Variants in GSG1L observed in about 807,000 individuals in gnomAD.
GSG1L encodes the protein germ cell-specific gene 1-like protein.
GSG1L carries 24 observed loss-of-function variants against 42.1 expected under a neutral mutation model. The observed-to-expected ratio is 0.57, with a 90% CI of 0.41 to 0.80. GSG1L has a LOEUF of 0.80. GSG1L is among the 30% of genes least tolerant of loss of function. The pLI is 0.00. For missense variants in GSG1L, 445 were observed against 472.2 expected, an observed-to-expected ratio of 0.94 and a Z score of 0.53; for synonymous variants, 215 against 203.5, an observed-to-expected ratio of 1.06 and a Z score of -0.48.
At position 28,063,062 on chromosome 16, in the gene GSG1L, C is replaced by A. The variant is rs1409111604; in HGVS notation, c.349+14G>T. Reference sequence around the variant, plus strand: ...GAGCCGGAGCCGAGCTGGCCGCCGCCCGCGCGCACTCACCAAGCCCGCTGA... The same window carrying A: ...GAGCCGGAGCCGAGCTGGCCGCCGCACGCGCGCACTCACCAAGCCCGCTGA... On this transcript the variant is annotated intron_variant, in intron 1 of 6. Coordinates refer to ENST00000447459, the MANE Select transcript of GSG1L (RefSeq NM_001109763.2). This position sits in a 1 kb window ranked among gnomAD's most constrained non-coding sequence, Gnocchi z 5.8. The A allele has an allele frequency of 2.5e-5, 35 of 1,400,982 alleles. No individual in the cohort carries two copies. The highest frequency in any genetic ancestry group is 3.2e-5 in the Non-Finnish European group (34 of 1,071,144). The allele number at this position is 1,400,982 out of a possible 1,614,324, so 86.8% of individuals were successfully genotyped here. A position where few individuals can be genotyped will look rare whatever the true frequency, so the allele number is the denominator to read the frequency against.
chr16:28,011,727 G>A (rs1318600894), intron 1 of GSG1L, among the ~76,000 whole-genome samples: 2 of 152,190 alleles, frequency 1.3e-5, no homozygotes, highest in Non-Finnish European at 2.9e-5. Context: ...GGATGGTAGA[G>A]CAACTGTCTA....
At chr16:27,918,505 A>T (rs2084484880) in intron 2 of GSG1L, among the ~76,000 whole-genome samples, 2 of 151,982 alleles carry the variant, frequency 1.3e-5, no homozygotes, top group African/African-American at 4.8e-5. Flanking sequence ...TAAAAATACA[A>T]AAAATTAGTC....
chr16:27,873,587 A>T (rs1901141447), intron 3 of GSG1L, among the ~76,000 whole-genome samples: 1 of 152,212 alleles, frequency 6.6e-6, no homozygotes, highest in Admixed American at 6.5e-5. Flanking sequence ...TAAGAGCCAA[A>T]AATGGTGGCA....
At chr16:28,025,140 G>A (rs1407528818) in intron 1 of GSG1L, among the ~76,000 whole-genome samples, 1 of 152,210 alleles carries the variant, frequency 6.6e-6, no homozygotes, top group Non-Finnish European at 1.5e-5. Context: ...CTCAGCAGTA[G>A]CCTGCATGAG....
chr16:27,816,361 T>C (rs1001884445), intron 5 of GSG1L, among the ~76,000 whole-genome samples: 6 of 152,128 alleles, frequency 3.9e-5, no homozygotes, highest in African/African-American at 1.4e-4. Flanking sequence ...GCACTGCCCT[T>C]TGCCCCAGAA....
At position 27,822,957 on chromosome 16, in the gene GSG1L, G is replaced by A. The variant is rs894684373; in HGVS notation, c.830+5832C>T. ...CTCCCAAAAAGCTCCGGGGGCTTCC[G>A]TCCCCCACACAGTGCCACATTCCCA... On this transcript the variant is annotated intron_variant, in intron 5 of 6. Transcript: ENST00000447459. Among the ~76,000 whole-genome samples the A allele has an allele frequency of 6.6e-5, 10 of 152,128 alleles. No homozygotes were observed. In the East Asian group the frequency reaches 9.6e-4, roughly 15 times the overall value.
chr16:27,895,325 G>T (rs1233146613), intron 2 of GSG1L, among the ~76,000 whole-genome samples: 1 of 152,082 alleles, frequency 6.6e-6, no homozygotes, highest in Non-Finnish European at 1.5e-5. Context: ...CCTCAGACAG[G>T]GGACACGGAT....
At chr16:27,846,942 G>A (rs1453801297) in intron 3 of GSG1L, among the ~76,000 whole-genome samples, 2 of 141,412 alleles carry the variant, frequency 1.4e-5, no homozygotes, top group African/African-American at 5.4e-5. Context: ...GGGTGACAGA[G>A]GGAGACTCCG....
chr16:28,037,769 T>G (rs2086057736), intron 1 of GSG1L, among the ~76,000 whole-genome samples: 1 of 152,246 alleles, frequency 6.6e-6, no homozygotes, highest in South Asian at 2.1e-4. Context: ...CACATGTTGC[T>G]GGACTCACCC....
chr16:28,019,369 T>A (rs184085298), intron 1 of GSG1L, among the ~76,000 whole-genome samples: 1 of 152,300 alleles, frequency 6.6e-6, no homozygotes, highest in East Asian at 1.9e-4. Context: ...ACCAGCGCCA[T>A]GACGGTTCAA....
chr16:28,004,420 A>T (rs2085614591), intron 1 of GSG1L, among the ~76,000 whole-genome samples: 1 of 151,280 alleles, frequency 6.6e-6, no homozygotes. Context: ...GGAGAGAAGG[A>T]CGGAAATCCA....
At chr16:28,051,666 C>T (rs569329090) in intron 1 of GSG1L, among the ~76,000 whole-genome samples, 51 of 152,296 alleles carry the variant, frequency 3.3e-4, no homozygotes, top group African/African-American at 1.1e-3. Context: ...GGGAGCTGCA[C>T]GTGCAAAGGC....
intron 1 of GSG1L, among the ~76,000 whole-genome samples, chr16:27,997,020 C>T (rs754219361): frequency 8.5e-5 from 13 of 152,196 alleles, no homozygotes; most frequent in Non-Finnish European, 1.6e-4. Flanking sequence ...CCTCGGCCTC[C>T]CAAAGTGCTG....
chr16:28,050,279 C>G lies in GSG1L; in HGVS notation c.349+12797G>C, dbSNP rs1393887605. 3.9e-5 allele frequency among the ~76,000 whole-genome samples: 6 copies of G among 152,124 alleles called. No individual in the cohort carries two copies. The East Asian group carries it at 1.2e-3, about 29-fold the overall frequency. ...ACTGCAGCCAAGAAACTCCTGGGCT[C>G]AAGGGATCCTCCCATCTCAGCCTCC... On this transcript the variant is annotated intron_variant, in intron 1 of 6. Coordinates refer to ENST00000447459, the MANE Select transcript of GSG1L (RefSeq NM_001109763.2).
rs776816965 is a variant in GSG1L at position 27,974,042 on chromosome 16, G to A, written c.350-10839C>T. Among the ~76,000 whole-genome samples, 59 of 152,218 alleles carry A rather than the reference G, an allele frequency of 3.9e-4. No homozygotes were observed. In the Middle Eastern group the frequency reaches 0.01, roughly 26 times the overall value. ...CTCCCCATCTGATTCCCTTTGAGCT[G>A]CTAAGATAGCAAAGGTGAATGGAGC... On this transcript the variant is annotated intron_variant, in intron 1 of 6. Transcript: ENST00000447459.
At chr16:27,904,083 C>G (rs544710364) in intron 2 of GSG1L, among the ~76,000 whole-genome samples, 1 of 152,024 alleles carries the variant, frequency 6.6e-6, no homozygotes, top group East Asian at 2.0e-4. Flanking sequence ...TCCACCTGCC[C>G]TAAGGTTTTG....
At chr16:27,958,581 C>T (rs914054685) in intron 2 of GSG1L, among the ~76,000 whole-genome samples, 1 of 152,014 alleles carries the variant, frequency 6.6e-6, no homozygotes, top group Non-Finnish European at 1.5e-5. Flanking sequence ...ACATTTTTTT[C>T]AAGAACTGAT....
At chr16:27,961,004 G>C (rs182833362) in intron 2 of GSG1L, among the ~76,000 whole-genome samples, 3 of 151,880 alleles carry the variant, frequency 2.0e-5, no homozygotes, top group Non-Finnish European at 4.4e-5. Flanking sequence ...AGGGGCACAG[G>C]CCACCCACCT....
At chr16:28,056,457 C>CT (rs2086280209) in intron 1 of GSG1L, among the ~76,000 whole-genome samples, 3 of 102,308 alleles carry the variant, frequency 2.9e-5, no homozygotes, top group Non-Finnish European at 5.4e-5. Context: ...AACATCACAC[C>CT]GGGGCCTGCT....
Sources: gnomAD v4.1 joint callset for allele counts (sites outside exome capture counted in the v4.1 genomes callset) on GRCh38, gnomAD v4.1.1 for gene constraint, Gnocchi (gnomAD v3.1) non-coding constraint, MANE v1.5 for transcripts, NCBI Gene and HGNC (gene_info 2026-07-23, HGNC 2026-07-21) for gene names.